GRK7: variants seen among roughly 807,000 people sequenced by gnomAD.
GRK7 encodes the protein rhodopsin kinase GRK7.
A neutral mutation model predicts 34.1 loss-of-function variants in GRK7; 24 were observed. The observed-to-expected ratio is 0.70, with a 90% confidence interval of 0.51 to 0.99. The LOEUF (loss-of-function observed/expected upper bound fraction) is 0.99. GRK7 is among the 50% of genes least tolerant of loss of function. The pLI, the probability that GRK7 is intolerant of heterozygous loss-of-function variation, is 0.00. For missense variants in GRK7, 644 were observed against 707.3 expected, an observed-to-expected ratio of 0.91 and a Z score of 1.02; for synonymous variants, 256 against 279.4, an observed-to-expected ratio of 0.92 and a Z score of 0.84.
chr3:141,786,656 T>C (rs1465733547), intron 4 of GRK7, among the ~76,000 whole-genome samples: 1 of 152,016 alleles, frequency 6.6e-6, no homozygotes, highest in Non-Finnish European at 1.5e-5. Context: ...CACGTGCCTG[T>C]AGTCCCAGCT....
In GRK7 at chr3:141,810,418, A is replaced by G. The variant is rs138935522; in HGVS notation, c.1325+2499A>G. ...CTCTCTCTCTCCCTCTCAGAGACAGATTTATATGTGTACACTCACACATTG... is the reference window on the plus strand; with the variant it reads ...CTCTCTCTCTCCCTCTCAGAGACAGGTTTATATGTGTACACTCACACATTG... On this transcript the variant is annotated intron_variant, in intron 5 of 5. Transcript: ENST00000682958. 7.7e-5 allele frequency among the ~76,000 whole-genome samples: 5 copies of G among 64,522 alleles called. No homozygotes were observed. In the East Asian group the frequency reaches 1.6e-3, roughly 20 times the overall value. The allele number at this position is 64,522 out of a possible 152,430, so 42.3% of individuals were successfully genotyped here.
intron 2 of GRK7, among the ~76,000 whole-genome samples, chr3:141,777,346 A>T (rs2084644610): frequency 4.3e-4 from 4 of 9,322 alleles, no homozygotes; most frequent in Non-Finnish European, 5.7e-4. Context: ...TTTTTTTGAG[A>T]CGGAGTCTCG....
At position 141,807,694 on chromosome 3, in the gene GRK7, GT is replaced by G; in HGVS notation, c.1102del (p.Tyr368IlefsTer36). On this transcript the variant is annotated frameshift_variant, in exon 5 of 6. Transcript: ENST00000682958. LOFTEE classifies it high-confidence loss of function. Reference sequence around the variant, plus strand: ...CCTGAGATCCTAATGGAAAAGGTAAGTTATTCCTATCCTGTGGACTGGTTTG... The same window carrying G: ...CCTGAGATCCTAATGGAAAAGGTAAGTATTCCTATCCTGTGGACTGGTTTG... The part of the protein sequence containing the change: ...MAPEILMEKV[S>X]YSYPVDWFAM... 6.2e-7 allele frequency: 1 copy of G among 1,614,144 alleles called. No homozygotes were observed. Among genetic ancestry groups the G allele is most frequent in the African/African-American group, 1.3e-5 (1 of 75,052 alleles).
intron 5 of GRK7, among the ~76,000 whole-genome samples, chr3:141,815,408 A>T (rs75881386): frequency 1.3e-5 from 2 of 152,130 alleles, no homozygotes; most frequent in Non-Finnish European, 2.9e-5. Context: ...TAATCAGACC[A>T]GGAAATATAT....
At position 141,780,629 on chromosome 3, in the gene GRK7, A is replaced by G. The variant is rs1390512775; in HGVS notation, c.868A>G (p.Met290Val). 3.1e-6 allele frequency: 5 copies of G among 1,614,108 alleles called. No homozygotes were observed. In the Admixed American group the frequency reaches 5.0e-5, roughly 16 times the overall value. ...IYNVGTRGLDMSRVIFYSAQI... is the reference protein window; with the variant it reads ...IYNVGTRGLDVSRVIFYSAQI... ...CAACGTGGGCACGCGTGGCCTGGAC[A>G]TGAGCCGGGTGATCTTTTACTCGGC... Residue 290 changes from methionine to valine, a missense_variant, in exon 4 of 6, where the codon ATG becomes GTG. Physicochemically the swap from Met to Val is conservative, Grantham distance 21. Transcript: ENST00000682958.
At chr3:141,776,741 A>G (rs1189426445) in intron 2 of GRK7, among the ~76,000 whole-genome samples, 1 of 152,212 alleles carries the variant, frequency 6.6e-6, no homozygotes, top group Admixed American at 6.5e-5. Flanking sequence ...ATGTTTTCAC[A>G]AAGTGTATGC....
At chr3:141,760,595 A>G (rs1470336838), upstream of GRK7, among the ~76,000 whole-genome samples, 1 of 150,486 alleles carries the variant, frequency 6.6e-6, no homozygotes, top group Non-Finnish European at 1.5e-5. Context: ...TATTCTGTTG[A>G]TTTGGGGTGG....
In GRK7 at chr3:141,774,621, G is replaced by A. The variant is rs983065304; in HGVS notation, c.-173G>A. ...CTGCCACCACATTCCTAAGAACCAC[G>A]GGAAAAGGCATTTGCTCCTCCGAAG... On this transcript the variant is annotated 5_prime_UTR_variant, in exon 2 of 6. Coordinates refer to ENST00000682958, the MANE Select transcript of GRK7 (RefSeq NM_139209.3). Among the ~76,000 whole-genome samples the A allele has an allele frequency of 2.0e-5, 3 of 151,996 alleles. No homozygotes were observed. The highest frequency in any genetic ancestry group is 7.2e-5 in the African/African-American group (3 of 41,460).
chr3:141,772,602 C>G (rs1391077277), intron 1 of GRK7, among the ~76,000 whole-genome samples: 2 of 152,070 alleles, frequency 1.3e-5, no homozygotes. Context: ...TTACTATTTT[C>G]CTTAAACAGT....
chr3:141,810,219 CTT>C (rs1454464742), intron 5 of GRK7, among the ~76,000 whole-genome samples: 1 of 151,788 alleles, frequency 6.6e-6, no homozygotes. Flanking sequence ...ACCCTGCAGA[CTT>C]TGGATTTACA....
chr3:141,804,936 TACACTCACATACACACATACACACC>T (rs1407519960), intron 4 of GRK7, among the ~76,000 whole-genome samples: 1 of 148,550 alleles, frequency 6.7e-6, no homozygotes, highest in East Asian at 2.1e-4. Context: ...TACTCACACA[TACACTCACATACACACATACACACC>T]ACACTCACAT....
At chr3:141,766,320 C>T (rs550531418) in intron 1 of GRK7, among the ~76,000 whole-genome samples, 11 of 152,198 alleles carry the variant, frequency 7.2e-5, no homozygotes, top group Admixed American at 5.9e-4. Context: ...CCCGCCACCA[C>T]GCCCAGCTAG....
At chr3:141,768,466 G>C (rs1335984996) in intron 1 of GRK7, among the ~76,000 whole-genome samples, 4 of 151,960 alleles carry the variant, frequency 2.6e-5, no homozygotes, top group Non-Finnish European at 2.9e-5. Flanking sequence ...TTTTAGTAGA[G>C]ATGGGGTTTC....
chr3:141,781,190 C>A (rs887338796), intron 4 of GRK7, among the ~76,000 whole-genome samples: 1 of 152,070 alleles, frequency 6.6e-6, no homozygotes, highest in Non-Finnish European at 1.5e-5. Flanking sequence ...AATGAAGGGG[C>A]TGGACCCTAA....
Position 141,779,834 on chromosome 3 carries a change from G to A in GRK7, c.613-540G>A, listed in dbSNP as rs371735744. ...GTTTTTGGGGTTCATTCACACTGTA[G>A]CATGTGTCAATACTCCATTCCTTTT... On this transcript the variant is annotated intron_variant, in intron 3 of 5. Transcript: ENST00000682958. Among the ~76,000 whole-genome samples, 5 of 152,276 alleles carry A rather than the reference G, an allele frequency of 3.3e-5. No homozygotes were observed. The East Asian group carries it at 7.7e-4, about 24-fold the overall frequency.
chr3:141,805,645 G>A (rs1313501970), intron 4 of GRK7, among the ~76,000 whole-genome samples: 1 of 152,190 alleles, frequency 6.6e-6, no homozygotes, highest in South Asian at 2.1e-4. Flanking sequence ...TCTTGTTCAG[G>A]CCAATCACTC....
chr3:141,808,227 T>C (rs1711056359), intron 5 of GRK7, among the ~76,000 whole-genome samples: 2 of 152,226 alleles, frequency 1.3e-5, no homozygotes, highest in Non-Finnish European at 2.9e-5. Flanking sequence ...GGATTGGTTA[T>C]GTCAGATGAA....
At chr3:141,757,145 T>TC in the GRK7 span, among the ~76,000 whole-genome samples, 157 of 124,490 alleles carry the variant, frequency 1.3e-3, 1 homozygote, top group Middle Eastern at 3.8e-3. Flanking sequence ...TTTTTTTTTT[T>TC]TCTTTTTTTT....
At chr3:141,755,932 C>A in the GRK7 span, among the ~76,000 whole-genome samples, 129 of 151,424 alleles carry the variant, frequency 8.5e-4, 1 homozygote, top group African/African-American at 3.0e-3. Flanking sequence ...TAATAATATC[C>A]CCAACCTGGA....
Sources: allele counts gnomAD v4.1 joint callset (sites outside exome capture counted in the v4.1 genomes callset), GRCh38; gene constraint gnomAD v4.1.1; transcripts MANE v1.5; gene names NCBI Gene and HGNC (gene_info 2026-07-23, HGNC 2026-07-21).